Variants in TSKS observed in about 807,000 individuals in gnomAD.
TSKS encodes testis specific serine kinase substrate.
A neutral mutation model predicts 68.0 loss-of-function variants in TSKS; 27 were observed. The ratio of observed to expected loss-of-function variants is 0.40; its 90% CI spans 0.29 to 0.55. The LOEUF is 0.55. TSKS is among the 20% of genes least tolerant of loss of function. TSKS has a pLI of 0.53. For synonymous variants in TSKS, 331 were observed against 340.4 expected, an observed-to-expected ratio of 0.97 and a Z score of 0.30; for missense variants, 806 against 776.0, an observed-to-expected ratio of 1.04 and a Z score of -0.46.
intron 8 of TSKS, among the ~76,000 whole-genome samples, chr19:49,742,491 C>T (rs1296412123): frequency 2.2e-5 from 3 of 137,520 alleles, no homozygotes; most frequent in African/African-American, 5.5e-5. Flanking sequence ...CCACCGGGCC[C>T]GGCCCTTTTT....
At position 49,748,439 on chromosome 19, in the gene TSKS, T is replaced by C. The variant is rs957114582; in HGVS notation, c.430A>G (p.Lys144Glu). Residue 144 changes from lysine to glutamate, a missense_variant, in exon 3 of 11, where the codon AAA becomes GAA. Lys to Glu is a moderately conservative substitution (Grantham distance 56). Transcript: ENST00000246801. ...SGVNSGLVRA[K>E]DSITSLKEKT... is the part of the protein sequence containing the mutation. ...TCCTTCAAGCTGGTGATGGAGTCTT[T>C]GGCGCGGACCAATCCACTGTTGACC... 20 of 1,614,102 alleles carry C rather than the reference T, an allele frequency of 1.2e-5. No individual in the cohort carries two copies. In the African/African-American group the frequency reaches 2.5e-4, roughly 20 times the overall value.
chr19:49,742,492 G>C (rs529727978), intron 8 of TSKS, among the ~76,000 whole-genome samples: 12 of 136,410 alleles, frequency 8.8e-5, no homozygotes, highest in Admixed American at 6.7e-4. Flanking sequence ...CACCGGGCCC[G>C]GCCCTTTTTT....
chr19:49,744,174 G>T, intron 8 of TSKS, 57 bp downstream of exon 8: 1 of 1,554,990 alleles, frequency 6.4e-7, no homozygotes, highest in African/African-American at 1.4e-5. Flanking sequence ...ATCTCCTTCC[G>T]CATCTCCTTT....
chr19:49,741,771 G>A, intron 9 of TSKS, 114 bp downstream of exon 9: 1 of 1,460,732 alleles, frequency 6.8e-7, no homozygotes, highest in Non-Finnish European at 9.4e-7. Context: ...GCTGCTCCCA[G>A]CTCAGCCCTT....
At chr19:49,760,736 G>A (rs1198858057) in intron 2 of TSKS, among the ~76,000 whole-genome samples, 1 of 152,098 alleles carries the variant, frequency 6.6e-6, no homozygotes, top group Non-Finnish European at 1.5e-5. Context: ...GCTGCAGTGA[G>A]TTGTGATTGT....
intron 8 of TSKS, 90 bp downstream of exon 8, chr19:49,744,141 G>A (rs1600187814): frequency 3.6e-6 from 5 of 1,387,966 alleles, no homozygotes; most frequent in Non-Finnish European, 5.0e-6. Flanking sequence ...AATGAACAGC[G>A]CCCCACCCTT....
In TSKS at chr19:49,739,961, C is replaced by T. The variant is rs370426492; in HGVS notation, c.1623-29G>A. 3.6e-4 allele frequency: 575 copies of T among 1,607,150 alleles called. 1 individual carries two copies. The highest frequency in any genetic ancestry group is 1.2e-3 in the Middle Eastern group (7 of 6,036). ...TCATGAGGCAGCGGGGAGTTGATGG[C>T]GGCATGGCTAGGTGCTGGGGTGTTG... is the stretch of plus-strand genomic sequence containing the variant. On this transcript the variant is annotated intron_variant, in intron 10 of 10. Transcript: ENST00000246801.
intron 9 of TSKS, among the ~76,000 whole-genome samples, chr19:49,740,745 G>A (rs751878113): frequency 5.9e-5 from 9 of 152,106 alleles, no homozygotes; most frequent in South Asian, 2.1e-4. Flanking sequence ...TTAGCTGGGC[G>A]TGGTGGTGTA....
chr19:49,751,899 CAAA>C (rs61310693), intron 2 of TSKS, among the ~76,000 whole-genome samples: 109 of 41,652 alleles, frequency 2.6e-3, no homozygotes, highest in African/African-American at 6.2e-3. Flanking sequence ...CCCAACTCTA[CAAA>C]AAAAAAAAAA....
In TSKS at chr19:49,739,879, T is replaced by C. The variant is rs2084236861; in HGVS notation, c.1676A>G (p.Asp559Gly). 6.2e-7 allele frequency: 1 copy of C among 1,613,918 alleles called. No homozygotes were observed. Among genetic ancestry groups the C allele is most frequent in the South Asian group, 1.1e-5 (1 of 91,074 alleles). Residue 559 changes from aspartate (D) to glycine (G), a missense_variant, in exon 11 of 11, where the codon GAT becomes GGT. By Grantham distance (94) the Asp-to-Gly change is moderately conservative (BLOSUM62 -1). Coordinates refer to ENST00000246801, the MANE Select transcript of TSKS (RefSeq NM_021733.2). ...HLHLKMCSLH[D>G]HLSNLPLEGS... ...CTCAAGTGGCAGGTTGCTGAGATGATCGTGGAGGGAGCACATCTTCAAGTG... is the reference window on the plus strand; with the variant it reads ...CTCAAGTGGCAGGTTGCTGAGATGACCGTGGAGGGAGCACATCTTCAAGTG...
At chr19:49,742,732 C>T (rs749959897) in intron 8 of TSKS, among the ~76,000 whole-genome samples, 79 of 151,436 alleles carry the variant, frequency 5.2e-4, no homozygotes, top group Non-Finnish European at 7.5e-4. Context: ...TCCTGACCTC[C>T]GGTGATCCTC....
intron 1 of TSKS, among the ~76,000 whole-genome samples, chr19:49,762,688 A>G (rs2084453591): frequency 6.6e-6 from 1 of 150,992 alleles, no homozygotes; most frequent in African/African-American, 2.4e-5. Context: ...CGGCCTCCCA[A>G]AGTGCTGGGA....
At chr19:49,755,386 C>G (rs1019489232) in intron 2 of TSKS, among the ~76,000 whole-genome samples, 2 of 152,164 alleles carry the variant, frequency 1.3e-5, no homozygotes, top group African/African-American at 4.8e-5. Context: ...ATCCAAGAAG[C>G]CAAATGAACT....
rs144477731 is a variant in TSKS at position 49,740,070 on chromosome 19, C to T, written c.1611G>A (p.Lys537=). ...GCCTCCTTCCTCACTCTGGCTTCAT[C>T]TTGTCTGTCAGCAGTAGGTTCTTGG... ...LRAKNLLLTD[K]MKPEEKMATL... The change falls in exon 10 of 11, where the codon AAG becomes AAA. Residue 537 remains lysine (K), a synonymous_variant. Coordinates refer to ENST00000246801, the MANE Select transcript of TSKS (RefSeq NM_021733.2). The T allele has an allele frequency of 9.3e-6, 15 of 1,614,062 alleles. No homozygotes were observed. The African/African-American group carries it at 2.0e-4, about 22-fold the overall frequency.
chr19:49,744,594 C>T (rs1487498066), intron 7 of TSKS, among the ~76,000 whole-genome samples, 190 bp from the exon 8 acceptor site: 12 of 152,012 alleles, frequency 7.9e-5, no homozygotes, highest in Non-Finnish European at 1.6e-4. Flanking sequence ...TATCTGTTGA[C>T]TATTTTGAGC....
In TSKS at chr19:49,749,103, G is replaced by C. The variant is rs182371814; in HGVS notation, c.400-634C>G. Among the ~76,000 whole-genome samples the C allele has an allele frequency of 1.9e-3, 291 of 152,202 alleles. 2 individuals carry two copies. Among genetic ancestry groups the C allele is most frequent in the Admixed American group, 4.3e-3 (66 of 15,274 alleles). ...CCTTGGGGTCCACAGCTTAAAAAGA[G>C]AAACTTTGAAAACACATGCCCTTTC... is the stretch of plus-strand genomic sequence containing the variant. On this transcript the variant is annotated intron_variant, in intron 2 of 10. Coordinates refer to ENST00000246801, the MANE Select transcript of TSKS (RefSeq NM_021733.2).
chr19:49,743,372 C>T (rs944658286), intron 8 of TSKS, among the ~76,000 whole-genome samples: 1 of 151,792 alleles, frequency 6.6e-6, no homozygotes, highest in Non-Finnish European at 1.5e-5. Flanking sequence ...GCCACTGCGT[C>T]CACCCTTTTT....
At chr19:49,747,538 T>G in intron 4 of TSKS, 66 bp from the exon 5 acceptor site, 2 of 1,546,006 alleles carry the variant, frequency 1.3e-6, no homozygotes, top group Non-Finnish European at 1.8e-6. Flanking sequence ...ACCCTTAGCC[T>G]GTCTGTTTCC....
intron 6 of TSKS, among the ~76,000 whole-genome samples, chr19:49,745,918 T>TGG: frequency 6.6e-6 from 1 of 152,156 alleles, no homozygotes; most frequent in Admixed American, 6.6e-5. Flanking sequence ...GCGCGGTGGC[T>TGG]CACGCCTGTA....
Sources: allele counts gnomAD v4.1 joint callset (sites outside exome capture counted in the v4.1 genomes callset), GRCh38; gene constraint gnomAD v4.1.1; transcripts MANE v1.5; gene names NCBI Gene and HGNC (gene_info 2026-07-23, HGNC 2026-07-21).